The following AGL variants were observed in gnomAD, a reference collection of about 807,000 sequenced individuals.
The protein encoded by AGL is glycogen debranching enzyme.
AGL carries 128 observed loss-of-function variants against 199.3 expected under a neutral mutation model. That is an observed-to-expected ratio of 0.64 (90% CI 0.56 to 0.74). AGL has a LOEUF of 0.74. AGL is among the 30% of genes least tolerant of loss of function. AGL has a pLI of 0.00. For missense variants in AGL, 1,809 were observed against 1,820.8 expected (o/e 0.99, Z 0.12); for synonymous variants, 584 against 594.7 (o/e 0.98, Z 0.26).
chr1:99,862,419 A>G lies in AGL; in HGVS notation c.456A>G (p.Glu152=). Residue 152 remains glutamate, a synonymous_variant, in exon 4 of 34, where the codon GAA becomes GAG. Transcript: ENST00000361915. The part of the protein sequence containing the change: ...EWESRLRVAK[E]SGYNMIHFTP... ...AAAGCAGACTTAGGGTTGCAAAAGA[A>G]TCAGGTAATGTCAGCTTGCTTTCTT... is the stretch of plus-strand genomic sequence containing the variant. 6.2e-7 allele frequency: 1 copy of G among 1,614,118 alleles called. No individual in the cohort carries two copies. Among genetic ancestry groups the G allele is most frequent in the Non-Finnish European group, 8.5e-7 (1 of 1,179,984 alleles).
intron 5 of AGL, among the ~76,000 whole-genome samples, chr1:99,865,166 A>T (rs72725956): frequency 0.32 from 48,127 of 151,032 alleles, 8,843 homozygotes; most frequent in East Asian, 0.46. Context: ...AAAATATCAA[A>T]ATATATATAT....
chr1:99,876,145 G>T (rs1651515398), intron 10 of AGL, among the ~76,000 whole-genome samples: 1 of 152,140 alleles, frequency 6.6e-6, no homozygotes, highest in South Asian at 2.1e-4. Context: ...AAAGTTCTAG[G>T]ATTACAGGCA....
intron 2 of AGL, among the ~76,000 whole-genome samples, chr1:99,851,912 A>G (rs1045879228): frequency 1.5e-5 from 2 of 132,360 alleles, no homozygotes; most frequent in Non-Finnish European, 3.6e-5. Context: ...AAAATTTCAC[A>G]CATACAATGT....
chr1:99,916,584 A>G lies in AGL; in HGVS notation c.4348-14A>G, dbSNP rs1230041903. 1 of 1,612,118 alleles carries G rather than the reference A, an allele frequency of 6.2e-7. No individual in the cohort carries two copies. The highest frequency in any genetic ancestry group is 2.2e-5 in the East Asian group (1 of 44,792). On this transcript the variant is annotated splice_polypyrimidine_tract_variant and intron_variant, in intron 32 of 33. Transcript: ENST00000361915. Reference sequence around the variant, plus strand: ...ATTTATGGTTTTTTTTGTCTTTTAAATAATCTTTTTTAGGAGTGGCTGTGG... The same window carrying G: ...ATTTATGGTTTTTTTTGTCTTTTAAGTAATCTTTTTTAGGAGTGGCTGTGG...
chr1:99,854,721 G>A (rs868520980), intron 2 of AGL, among the ~76,000 whole-genome samples: 3 of 148,860 alleles, frequency 2.0e-5, no homozygotes, highest in South Asian at 2.1e-4. Context: ...CTGAGATTGC[G>A]CCACTGCACT....
At chr1:99,899,577 CCTCT>C (rs1263655194) in intron 25 of AGL, among the ~76,000 whole-genome samples, 1 of 143,904 alleles carries the variant, frequency 6.9e-6, no homozygotes, top group African/African-American at 2.6e-5. Context: ...TCCCTCCCTC[CCTCT>C]CTCCTTCCTT....
intron 2 of AGL, 80 bp downstream of exon 2, chr1:99,851,204 A>C: frequency 7.7e-7 from 1 of 1,305,796 alleles, no homozygotes; most frequent in South Asian, 1.2e-5. Flanking sequence ...AAATGTTTTA[A>C]AGCTCTAAGA....
chr1:99,870,854 A>C lies in AGL; in HGVS notation c.943A>C (p.Arg315=). The change falls in exon 7 of 34, where the codon AGA becomes CGA. Residue 315 remains arginine, a synonymous_variant. Transcript: ENST00000361915. ...CAACAAAGCGGTTGAGCAATTTAGA[A>C]GACTTCTTACACAAGGTAAAGGATA... ...DVNKAVEQFR[R]LLTQENRRVT... 1 of 1,595,368 alleles carries C rather than the reference A, an allele frequency of 6.3e-7. No individual in the cohort carries two copies. The highest frequency in any genetic ancestry group is 8.6e-7 in the Non-Finnish European group (1 of 1,163,296).
At chr1:99,916,544 A>C in intron 32 of AGL, 47 bp downstream of exon 32, 1 of 1,606,732 alleles carries the variant, frequency 6.2e-7, no homozygotes, top group Non-Finnish European at 8.5e-7. Flanking sequence ...ATTATTTTTC[A>C]AGTAATTTTT....
intron 24 of AGL, among the ~76,000 whole-genome samples, chr1:99,895,735 G>A (rs1653249268): frequency 1.3e-5 from 2 of 152,264 alleles, no homozygotes; most frequent in Middle Eastern, 3.4e-3. Flanking sequence ...AGCACTTTGG[G>A]AAAGCAAGTT....
chr1:99,863,533 A>G (rs1257046037), intron 4 of AGL, among the ~76,000 whole-genome samples: 3 of 152,070 alleles, frequency 2.0e-5, no homozygotes, highest in Admixed American at 6.6e-5. Flanking sequence ...GCTCACTGCA[A>G]GCTCCGCCTC....
chr1:99,887,479 T>G (rs556914664), intron 20 of AGL, among the ~76,000 whole-genome samples: 1 of 152,292 alleles, frequency 6.6e-6, no homozygotes, highest in Admixed American at 6.5e-5. Context: ...GCATGTGATT[T>G]CCTAGGCAAT....
At chr1:99,857,644 C>T (rs986508872) in intron 2 of AGL, among the ~76,000 whole-genome samples, 10 of 151,380 alleles carry the variant, frequency 6.6e-5, no homozygotes, top group African/African-American at 2.2e-4. Context: ...ACCCCGTCTC[C>T]ACCAAAAAAA....
chr1:99,858,299 G>T (rs1053944381), intron 2 of AGL, among the ~76,000 whole-genome samples: 3 of 152,170 alleles, frequency 2.0e-5, no homozygotes, highest in Non-Finnish European at 4.4e-5. Flanking sequence ...AATATTTTCA[G>T]AAAAAATAAA....
In AGL at chr1:99,881,618, T is replaced by C. The variant is rs1267374318; in HGVS notation, c.2235T>C (p.Ala745=). ...CTAGCATCCATCAGTCTGTTGTGGCTGTATCTAGAACTGCTTTCAGGAATC... is the reference window on the plus strand; with the variant it reads ...CTAGCATCCATCAGTCTGTTGTGGCCGTATCTAGAACTGCTTTCAGGAATC... ...HSPSIHQSVV[A]VSRTAFRNPK... The change falls in exon 17 of 34, where the codon GCT becomes GCC. Residue 745 remains alanine, a synonymous_variant. Coordinates refer to ENST00000361915, the MANE Select transcript of AGL (RefSeq NM_000642.3). 1 of 1,614,058 alleles carries C rather than the reference T, an allele frequency of 6.2e-7. No individual in the cohort carries two copies. The highest frequency in any genetic ancestry group is 1.7e-5 in the Admixed American group (1 of 60,000).
intron 10 of AGL, 69 bp from the exon 11 acceptor site, chr1:99,876,389 T>C (rs1042805653): frequency 2.7e-5 from 33 of 1,201,072 alleles, no homozygotes; most frequent in Admixed American, 2.3e-4. Flanking sequence ...TTAGTTTTAA[T>C]ATTGCAAATT....
chr1:99,917,658 T>G (rs886426823), intron 33 of AGL, among the ~76,000 whole-genome samples: 1 of 152,192 alleles, frequency 6.6e-6, no homozygotes, highest in African/African-American at 2.4e-5. Flanking sequence ...TGAATATTTA[T>G]TATTTCATTT....
intron 27 of AGL, among the ~76,000 whole-genome samples, chr1:99,903,231 C>T (rs1436507273): frequency 6.6e-6 from 1 of 152,126 alleles, no homozygotes; most frequent in Non-Finnish European, 1.5e-5. Context: ...TGGTGTGCTG[C>T]ACCCATTAAC....
chr1:99,885,413 T>C (rs977075639), intron 20 of AGL, among the ~76,000 whole-genome samples: 2 of 152,192 alleles, frequency 1.3e-5, no homozygotes, highest in African/African-American at 4.8e-5. Flanking sequence ...CCATCATTAG[T>C]ACTAGTATAA....
Sources: allele counts gnomAD v4.1 joint callset (sites outside exome capture counted in the v4.1 genomes callset), GRCh38; gene constraint gnomAD v4.1.1; transcripts MANE v1.5; gene names NCBI Gene and HGNC (gene_info 2026-07-23, HGNC 2026-07-21).